DMD: variants seen among roughly 807,000 people sequenced by gnomAD.
The protein encoded by DMD is dystrophin.
In DMD, 63 loss-of-function variants were observed where a neutral mutation model predicts 330.1. The ratio of observed to expected loss-of-function variants is 0.19; its 90% CI spans 0.16 to 0.24. The LOEUF is 0.24. DMD is among the 10% of genes least tolerant of loss of function. DMD has a pLI of 1.00. For synonymous variants in DMD, 1,223 were observed against 959.8 expected, an observed-to-expected ratio of 1.27 and a Z score of -5.07; for missense variants, 3,344 against 2,684.1, an observed-to-expected ratio of 1.25 and a Z score of -5.43.
intron 1 of DMD, among the ~76,000 whole-genome samples, chrX:33,310,797 A>G (rs769566240): frequency 8.1e-5 from 9 of 111,279 alleles, no homozygotes; most frequent in Admixed American, 6.8e-4. Context: ...AATTTAGTGG[A>G]TATTTTAATT....
chrX:31,925,697 C>A (rs564873779), intron 47 of DMD, among the ~76,000 whole-genome samples: 3 of 109,928 alleles, frequency 2.7e-5, no homozygotes, highest in Non-Finnish European at 3.8e-5. Flanking sequence ...CGTGGTGAAA[C>A]CCCGTCTCTA....
Position 31,212,770 on chromosome X carries a change from G to A in DMD, c.9362-3071C>T, listed in dbSNP as rs147348567. On this transcript the variant is annotated intron_variant, in intron 64 of 78. Coordinates refer to ENST00000357033, the MANE Select transcript of DMD (RefSeq NM_004006.3). ...ATATCTAGGTTTTCTGATTTCTCAT[G>A]GAGGTACATATTGTAAGGGGGAAAA... is the stretch of plus-strand genomic sequence containing the variant. Among the ~76,000 whole-genome samples, 555 of 111,507 alleles carry A rather than the reference G, an allele frequency of 5.0e-3. 3 individuals carry two copies. The highest frequency in any genetic ancestry group is 0.027 in the Middle Eastern group (6 of 219).
chrX:33,081,585 G>A (rs960179588), intron 1 of DMD, among the ~76,000 whole-genome samples: 2 of 112,138 alleles, frequency 1.8e-5, no homozygotes, highest in East Asian at 2.8e-4. Flanking sequence ...CACGGCACCC[G>A]GCCATACCCT....
intron 4 of DMD, among the ~76,000 whole-genome samples, chrX:32,830,765 C>G (rs1338745944): frequency 9.0e-6 from 1 of 111,403 alleles, no homozygotes; most frequent in African/African-American, 3.3e-5. Flanking sequence ...ACACTGTTAT[C>G]TTCGGAAGTT....
chrX:32,603,035 C>A, intron 12 of DMD, among the ~76,000 whole-genome samples: 1 of 111,525 alleles, frequency 9.0e-6, no homozygotes, highest in East Asian at 2.8e-4. Flanking sequence ...ACTTACAGAA[C>A]ATTCTATTCT....
At chrX:31,621,037 G>C (rs191765818) in intron 55 of DMD, among the ~76,000 whole-genome samples, 31 of 111,579 alleles carry the variant, frequency 2.8e-4, no homozygotes, top group East Asian at 1.7e-3. Flanking sequence ...CTTCAAGAGA[G>C]GTAAGGTTTT....
intron 21 of DMD, among the ~76,000 whole-genome samples, chrX:32,472,645 G>A (rs144408826): frequency 4.5e-5 from 5 of 110,854 alleles, no homozygotes; most frequent in African/African-American, 1.6e-4. Context: ...GATACAGATG[G>A]TATTTGCAGA....
chrX:32,940,016 T>C (rs1569544324), intron 2 of DMD, among the ~76,000 whole-genome samples: 1 of 111,382 alleles, frequency 9.0e-6, no homozygotes, highest in East Asian at 2.8e-4. Context: ...TTCACAGAAC[T>C]GGAAAAAAGC....
At chrX:33,093,027 C>T (rs1487123905) in intron 1 of DMD, among the ~76,000 whole-genome samples, 1 of 110,693 alleles carries the variant, frequency 9.0e-6, no homozygotes, top group Non-Finnish European at 1.9e-5. Context: ...GTGCCCGCCA[C>T]CACGTCCGGC....
At chrX:32,850,795 A>G (rs1181788368) in intron 2 of DMD, among the ~76,000 whole-genome samples, 1 of 111,896 alleles carries the variant, frequency 8.9e-6, no homozygotes, top group Non-Finnish European at 1.9e-5. Flanking sequence ...CAGCTTTTTC[A>G]TCACCTATCT....
intron 60 of DMD, among the ~76,000 whole-genome samples, chrX:31,430,167 A>C (rs764441296): frequency 5.4e-5 from 6 of 111,587 alleles, no homozygotes; most frequent in Non-Finnish European, 1.1e-4. Flanking sequence ...ATCATTATGT[A>C]TTCCCTTGGG....
intron 11 of DMD, among the ~76,000 whole-genome samples, chrX:32,623,765 T>A: frequency 9.0e-6 from 1 of 110,867 alleles, no homozygotes; most frequent in Non-Finnish European, 1.9e-5. Flanking sequence ...GGTCTCCAGC[T>A]ATCCTCCTGC....
At chrX:31,505,517 T>C (rs1050040242) in intron 56 of DMD, among the ~76,000 whole-genome samples, 1 of 112,313 alleles carries the variant, frequency 8.9e-6, no homozygotes, top group Non-Finnish European at 1.9e-5. Context: ...TTTCATCCTT[T>C]CAATTAGTAT....
At chrX:31,138,624 GGAGAGAGAGAGAGAGAGAGA>G (rs1175532244) in intron 76 of DMD, among the ~76,000 whole-genome samples, 26,921 of 58,559 alleles carry the variant, frequency 0.46, 6,093 homozygotes, top group South Asian at 0.55. Context: ...CATGGCAGCA[GGAGAGAGAGAGAGAGAGAGA>G]GAGAGAGAGA....
At chrX:31,718,825 T>C (rs990830762) in intron 52 of DMD, among the ~76,000 whole-genome samples, 2 of 111,857 alleles carry the variant, frequency 1.8e-5, no homozygotes, top group South Asian at 7.5e-4. Context: ...TGAGTAGCCA[T>C]TTGAAAAGGA....
chrX:32,753,316 A>T (rs2148307215), intron 7 of DMD, among the ~76,000 whole-genome samples: 1 of 112,356 alleles, frequency 8.9e-6, no homozygotes, highest in African/African-American at 3.2e-5. Flanking sequence ...ATTCCAAGAC[A>T]TGAGCCTTTT....
At chrX:32,885,827 G>GAAAAA (rs35272541) in intron 2 of DMD, among the ~76,000 whole-genome samples, 11 of 64,922 alleles carry the variant, frequency 1.7e-4, no homozygotes, top group East Asian at 5.4e-4. Context: ...CCTTGAGGGG[G>GAAAAA]AAAAAAAAAA....
At chrX:31,138,091 G>C (rs2035487102) in intron 76 of DMD, among the ~76,000 whole-genome samples, 1 of 111,704 alleles carries the variant, frequency 9.0e-6, no homozygotes, top group Non-Finnish European at 1.9e-5. Context: ...AATGTAAGCG[G>C]GCATGACAAA....
chrX:33,031,038 T>C (rs1377769785), intron 1 of DMD, among the ~76,000 whole-genome samples: 1 of 111,535 alleles, frequency 9.0e-6, no homozygotes, highest in Non-Finnish European at 1.9e-5. Flanking sequence ...TAAAATGGCA[T>C]AGTAGATGAG....
Sources: gnomAD v4.1 joint callset for allele counts (sites outside exome capture counted in the v4.1 genomes callset) on GRCh38, gnomAD v4.1.1 for gene constraint, MANE v1.5 for transcripts, NCBI Gene and HGNC (gene_info 2026-07-23, HGNC 2026-07-21) for gene names.